RYR2: variants seen among roughly 807,000 people sequenced by gnomAD.
RYR2 encodes cardiac muscle ryanodine receptor-calcium release channel.
Under a neutral mutation model 601.1 loss-of-function variants are expected in RYR2, and 227 were observed. The observed-to-expected ratio is 0.38, with a 90% confidence interval of 0.34 to 0.42. The LOEUF (loss-of-function observed/expected upper bound fraction) is 0.42, where lower values mean the gene tolerates loss of function less well. RYR2 is among the 10% of genes least tolerant of loss of function. The pLI is 1.00. For missense variants in RYR2, 4,646 were observed against 6,156.5 expected, an observed-to-expected ratio of 0.75 and a Z score of 8.21; for synonymous variants, 2,223 against 2,175.1, an observed-to-expected ratio of 1.02 and a Z score of -0.61.
At chr1:237,238,241 G>C (rs61832418) in intron 1 of RYR2, among the ~76,000 whole-genome samples, 45,775 of 151,842 alleles carry the variant, frequency 0.3, 6,958 homozygotes, top group Middle Eastern at 0.41. Flanking sequence ...AAAGTGCTGG[G>C]ATTACAGGCG....
chr1:237,184,242 G>T (rs776916118), intron 1 of RYR2, among the ~76,000 whole-genome samples: 2 of 151,452 alleles, frequency 1.3e-5, no homozygotes, highest in African/African-American at 4.9e-5. Context: ...TGGTTCCCAG[G>T]AGCAGAGGAC....
In RYR2 at chr1:237,765,617, G is replaced by T. The variant is rs371053927; in HGVS notation, c.11476+4589G>T. 3.4e-4 allele frequency among the ~76,000 whole-genome samples: 52 copies of T among 152,204 alleles called. 1 individual carries two copies. Among genetic ancestry groups the T allele is most frequent in the African/African-American group, 1.2e-3 (50 of 41,552 alleles). ...GTTACCCTAACTTTTTGATACTCTT[G>T]ATTGCTTAATTATTTATGGGCTACC... On this transcript the variant is annotated intron_variant, in intron 84 of 104. Transcript: ENST00000366574.
intron 13 of RYR2, 121 bp downstream of exon 13, chr1:237,441,604 A>C: frequency 1.2e-6 from 1 of 847,104 alleles, no homozygotes; most frequent in South Asian, 2.6e-5. Context: ...TTTGCAAGTG[A>C]AAGGGCAGAT....
intron 88 of RYR2, among the ~76,000 whole-genome samples, chr1:237,780,420 T>A (rs1695000358): frequency 2.0e-5 from 3 of 152,192 alleles, no homozygotes; most frequent in Non-Finnish European, 4.4e-5. Flanking sequence ...TGTTCATGGT[T>A]TATAAAGTTT....
intron 2 of RYR2, among the ~76,000 whole-genome samples, chr1:237,303,897 T>C (rs1693619628): frequency 6.6e-6 from 1 of 152,208 alleles, no homozygotes; most frequent in South Asian, 2.1e-4. Flanking sequence ...AACTGGATAG[T>C]CCTAGTTATC....
chr1:237,237,330 A>G (rs950796424), intron 1 of RYR2, among the ~76,000 whole-genome samples: 6 of 152,210 alleles, frequency 3.9e-5, no homozygotes, highest in Non-Finnish European at 7.3e-5. Flanking sequence ...TATAGTTCAG[A>G]GAAGGAAATT....
Position 237,401,937 on chromosome 1 carries a change from G to A in RYR2, c.773+13754G>A, listed in dbSNP as rs1422233805. On this transcript the variant is annotated intron_variant, in intron 10 of 104. Transcript: ENST00000366574. Reference sequence around the variant, plus strand: ...TTCTATTCACTTGGAAAATTCCAAGGGTGTACTGTCTTCCAGGAATGAAGG... The same window carrying A: ...TTCTATTCACTTGGAAAATTCCAAGAGTGTACTGTCTTCCAGGAATGAAGG... 2.0e-5 allele frequency among the ~76,000 whole-genome samples: 3 copies of A among 152,008 alleles called. 1 individual carries two copies. Among genetic ancestry groups the A allele is most frequent in the South Asian group, 4.2e-4 (2 of 4,810 alleles).
chr1:237,778,091 C>T (rs963920908), intron 87 of RYR2, among the ~76,000 whole-genome samples: 1 of 152,184 alleles, frequency 6.6e-6, no homozygotes, highest in African/African-American at 2.4e-5. Flanking sequence ...TTAACCACTT[C>T]CAATTGCCTT....
chr1:237,638,561 T>C (rs1558115364), intron 45 of RYR2, 69 bp downstream of exon 45: 4 of 1,504,756 alleles, frequency 2.7e-6, no homozygotes, highest in Non-Finnish European at 2.7e-6. Context: ...TAAGGATTCA[T>C]CTCAGCACTT....
At chr1:237,222,364 T>C (rs1191685370) in intron 1 of RYR2, among the ~76,000 whole-genome samples, 1 of 149,964 alleles carries the variant, frequency 6.7e-6, no homozygotes, top group East Asian at 2.0e-4. Context: ...AGTGAGCCAA[T>C]ATCGCACCAC....
chr1:237,773,247 T>A (rs984714704), intron 86 of RYR2, among the ~76,000 whole-genome samples: 1 of 152,204 alleles, frequency 6.6e-6, no homozygotes, highest in African/African-American at 2.4e-5. Context: ...AATTCTTATG[T>A]TTGTGAAGTT....
chr1:237,584,686 C>T (rs2127157), intron 29 of RYR2, among the ~76,000 whole-genome samples: 27,042 of 112,044 alleles, frequency 0.24, 3,335 homozygotes, highest in Middle Eastern at 0.45. Context: ...GACAGGGTCT[C>T]GCCTTGCTCT....
At chr1:237,135,362 T>C (rs1258847238) in intron 1 of RYR2, among the ~76,000 whole-genome samples, 1 of 151,830 alleles carries the variant, frequency 6.6e-6, no homozygotes, top group Non-Finnish European at 1.5e-5. Flanking sequence ...CTTGTTGGTT[T>C]TTTTTTTATT....
intron 14 of RYR2, among the ~76,000 whole-genome samples, chr1:237,446,057 C>T (rs573756368): frequency 6.1e-4 from 93 of 152,216 alleles, no homozygotes; most frequent in African/African-American, 2.0e-3. Context: ...CCTCATGATC[C>T]GCTCTCCTTG....
intron 1 of RYR2, among the ~76,000 whole-genome samples, chr1:237,224,431 G>A (rs984324732): frequency 1.3e-5 from 2 of 152,176 alleles, no homozygotes; most frequent in African/African-American, 2.4e-5. Context: ...CTGTGCAGGG[G>A]GTCTATGCCC....
chr1:237,794,812 C>A (rs1658900309), intron 95 of RYR2, among the ~76,000 whole-genome samples: 1 of 152,174 alleles, frequency 6.6e-6, no homozygotes, highest in Admixed American at 6.5e-5. Context: ...CTAAGCAAGT[C>A]AGTCCCTTTA....
At chr1:237,759,899 T>C (rs1407488174) in intron 83 of RYR2, 47 bp downstream of exon 83, 3 of 1,218,826 alleles carry the variant, frequency 2.5e-6, no homozygotes, top group Non-Finnish European at 3.6e-6. Flanking sequence ...TGGTTGTATT[T>C]TTTCGAAGCA....
chr1:237,327,125 G>A (rs1294175611), intron 2 of RYR2, among the ~76,000 whole-genome samples: 1 of 152,060 alleles, frequency 6.6e-6, no homozygotes, highest in African/African-American at 2.4e-5. Flanking sequence ...TCTCTGATGT[G>A]TATTAAGTTT....
In RYR2 at chr1:237,469,897, A is replaced by C. The variant is rs542364699; in HGVS notation, c.1708+710A>C. Among the ~76,000 whole-genome samples the C allele has an allele frequency of 2.3e-3, 352 of 152,296 alleles. 2 individuals carry two copies. The highest frequency in any genetic ancestry group is 5.0e-4 in the Non-Finnish European group (34 of 68,014). ...TTAGTTTTATTTCAGTATTGTGGAG[A>C]CTTATCAATGACTGTGAAGACTTAT... On this transcript the variant is annotated intron_variant, in intron 17 of 104. Transcript: ENST00000366574.
Sources: allele counts gnomAD v4.1 joint callset (sites outside exome capture counted in the v4.1 genomes callset), GRCh38; gene constraint gnomAD v4.1.1; transcripts MANE v1.5; gene names NCBI Gene and HGNC (gene_info 2026-07-23, HGNC 2026-07-21).